ENO1: variants seen among roughly 807,000 people sequenced by gnomAD.
ENO1 encodes the protein alpha-enolase.
ENO1 carries 33 observed loss-of-function variants against 46.3 expected under a neutral mutation model. The ratio of observed to expected loss-of-function variants is 0.71; its 90% confidence interval spans 0.54 to 0.95. The LOEUF (loss-of-function observed/expected upper bound fraction) is 0.95. Among genes scored for constraint, ENO1 ranks in the 40% least tolerant of loss-of-function variants. The probability of loss-of-function intolerance (pLI) is 0.00; values close to 1 mark genes in which losing one functional copy is unlikely to be tolerated. For synonymous variants in ENO1, 220 were observed against 216.0 expected, an observed-to-expected ratio of 1.02 and a Z score of -0.16; for missense variants, 488 against 553.3, an observed-to-expected ratio of 0.88 and a Z score of 1.18.
At chr1:8,866,608 G>C in intron 6 of ENO1, 107 bp from the exon 7 acceptor site, 1 of 1,232,438 alleles carries the variant, frequency 8.1e-7, no homozygotes, top group Non-Finnish European at 1.2e-6. Flanking sequence ...ATGAGCCCAA[G>C]ACTTGCTTCT....
chr1:8,865,177 C>T lies in ENO1; in HGVS notation c.865+108G>A, dbSNP rs879326029. On this transcript the variant is annotated intron_variant, in intron 8 of 11. Transcript: ENST00000234590. ...CCTACGGGAGCTGGAAGTTCAGACA[C>T]TCCCTCCCCATCCCCTCCTTGCAGC... 4 of 1,374,832 alleles carry T rather than the reference C, an allele frequency of 2.9e-6. No homozygotes were observed. The Admixed American group carries it at 7.5e-5, about 26-fold the overall frequency. 85.2% of individuals were successfully genotyped at this position (1,374,832 alleles called of 1,614,324 possible). A position where few individuals can be genotyped will look rare whatever the true frequency, so the allele number is the denominator to read the frequency against.
intron 6 of ENO1, 62 bp downstream of exon 6, chr1:8,867,055 G>A (rs1430456608): frequency 2.3e-5 from 36 of 1,586,634 alleles, no homozygotes; most frequent in Non-Finnish European, 3.0e-5. Context: ...GAGGTCTCGG[G>A]TCCCCAACAG....
chr1:8,868,115 C>G, intron 4 of ENO1, 58 bp from the exon 5 acceptor site: 2 of 1,251,018 alleles, frequency 1.6e-6, no homozygotes, highest in African/African-American at 1.5e-5. Flanking sequence ...ATAGCCTTTG[C>G]TCCCCTACCA....
Position 8,876,163 on chromosome 1 carries a change from G to T in ENO1, c.-9-1246C>A, listed in dbSNP as rs766259973. On this transcript the variant is annotated intron_variant, in intron 1 of 11. Coordinates refer to ENST00000234590, the MANE Select transcript of ENO1 (RefSeq NM_001428.5). ...CTGAACAACTTATAGAACTGAGGTG[G>T]GTGAGAGGAACTTAGTGTTTAAAGC... 1.3e-5 allele frequency: 2 copies of T among 152,138 alleles called. 1 individual carries two copies. Among genetic ancestry groups the T allele is most frequent in the Non-Finnish European group, 2.9e-5 (2 of 68,026 alleles). The allele number at this position is 152,138 out of a possible 1,614,324, so 9.4% of individuals were successfully genotyped here. A position where few individuals can be genotyped will look rare whatever the true frequency, so the allele number is the denominator to read the frequency against.
chr1:8,863,056 A>G (rs1569893428), intron 10 of ENO1, 111 bp from the exon 11 acceptor site: 3 of 1,439,790 alleles, frequency 2.1e-6, no homozygotes, highest in Non-Finnish European at 2.9e-6. Context: ...TGATGCTAGG[A>G]AAGTGGGGGC....
chr1:8,870,396 C>A lies in ENO1; in HGVS notation c.240+56G>T. 7 of 1,610,576 alleles carry A rather than the reference C, an allele frequency of 4.3e-6. No individual in the cohort carries two copies. In the South Asian group the frequency reaches 7.7e-5, roughly 18 times the overall value. On this transcript the variant is annotated intron_variant, in intron 4 of 11. Transcript: ENST00000234590. ...TTCCATAAACAGGAAAGCCCCTGGGCCTGGGAGACGCTCTGGTGGCATTAG... is the reference window on the plus strand; with the variant it reads ...TTCCATAAACAGGAAAGCCCCTGGGACTGGGAGACGCTCTGGTGGCATTAG...
At position 8,870,196 on chromosome 1, in the gene ENO1, G is replaced by T; in HGVS notation, c.240+256C>A. The T allele has an allele frequency of 1.3e-5, 7 of 519,014 alleles. No individual in the cohort carries two copies. In the South Asian group the frequency reaches 1.9e-4, roughly 14 times the overall value. The allele number at this position is 519,014 out of a possible 1,614,324, so 32.2% of individuals were successfully genotyped here. A position where few individuals can be genotyped will look rare whatever the true frequency, so the allele number is the denominator to read the frequency against. ...ATCTTAATTTCTTCAAAGGTCCAGA[G>T]AGTTGCAGGGGGGAAGAAACCTCAG... On this transcript the variant is annotated intron_variant, in intron 4 of 11. Coordinates refer to ENST00000234590, the MANE Select transcript of ENO1 (RefSeq NM_001428.5).
chr1:8,867,061 A>T (rs1642533367), intron 6 of ENO1, 56 bp downstream of exon 6: 1 of 1,592,352 alleles, frequency 6.3e-7, no homozygotes, highest in Non-Finnish European at 8.6e-7. Context: ...TCGGGTCCCC[A>T]ACAGCAAGCT....
chr1:8,878,538 C>G (rs1642785381), intron 1 of ENO1, 42 bp downstream of exon 1: 1 of 452,360 alleles, frequency 2.2e-6, no homozygotes, highest in Admixed American at 2.4e-5. Flanking sequence ...CAGAAAAGCC[C>G]TGCGCCGCCT....
intron 3 of ENO1, 97 bp from the exon 4 acceptor site, chr1:8,870,607 C>T (rs761228412): frequency 9.0e-5 from 141 of 1,570,230 alleles, no homozygotes; most frequent in Non-Finnish European, 1.2e-4. Context: ...GACGCGGAAG[C>T]CCACCAAGGG....
At chr1:8,872,204 A>T (rs765649415) in intron 2 of ENO1, among the ~76,000 whole-genome samples, 1 of 152,202 alleles carries the variant, frequency 6.6e-6, no homozygotes, top group Non-Finnish European at 1.5e-5. Flanking sequence ...TTCCTCTAGC[A>T]GAAAGAAAGT....
chr1:8,871,739 G>T, intron 3 of ENO1, 152 bp downstream of exon 3: 1 of 1,256,062 alleles, frequency 8.0e-7, no homozygotes. Context: ...TCCACAAGGT[G>T]GTGCACTGCT....
In ENO1 at chr1:8,862,961, G is replaced by A. The variant is rs1267310348; in HGVS notation, c.1177-16C>T. The stretch of plus-strand genomic sequence containing the variant: ...CAGTCTTGATCTAGGAGAAAAGAAA[G>A]GCCATTTGCTTACAGCGGACAAGCT... On this transcript the variant is annotated splice_polypyrimidine_tract_variant and intron_variant, in intron 10 of 11. Coordinates refer to ENST00000234590, the MANE Select transcript of ENO1 (RefSeq NM_001428.5). 2 of 1,613,914 alleles carry A rather than the reference G, an allele frequency of 1.2e-6. No individual in the cohort carries two copies. Among genetic ancestry groups the A allele is most frequent in the Non-Finnish European group, 1.7e-6 (2 of 1,179,812 alleles).
chr1:8,876,123 C>G (rs183154103), intron 1 of ENO1: 1 of 152,224 alleles, frequency 6.6e-6, no homozygotes, highest in East Asian at 1.9e-4. Flanking sequence ...CCTTGGCGCT[C>G]TCCAAAGAAA....
chr1:8,865,979 C>T (rs1175214254), intron 7 of ENO1: 2 of 354,554 alleles, frequency 5.6e-6, no homozygotes, highest in African/African-American at 4.3e-5. Context: ...ACTTGGCTCC[C>T]CAAACTAGTA....
chr1:8,863,021 T>G (rs1309445611), intron 10 of ENO1, 76 bp from the exon 11 acceptor site: 22 of 1,564,670 alleles, frequency 1.4e-5, no homozygotes, highest in Non-Finnish European at 1.9e-5. Flanking sequence ...GGGTGTGGTG[T>G]CAGAGAGAGA....
intron 8 of ENO1, 52 bp downstream of exon 8, chr1:8,865,233 C>T (rs1642484530): frequency 1.2e-6 from 2 of 1,602,638 alleles, no homozygotes; most frequent in African/African-American, 2.7e-5. Flanking sequence ...CTCCAGCTGC[C>T]CTGCTGCAGG....
At chr1:8,871,556 T>C (rs1642633078) in intron 3 of ENO1, 7 of 1,070,352 alleles carry the variant, frequency 6.5e-6, no homozygotes, top group Non-Finnish European at 7.9e-6. Context: ...TCCTGGGAGA[T>C]GGGGAAACTT....
chr1:8,878,314 C>G (rs1427487822), intron 1 of ENO1: 1 of 275,576 alleles, frequency 3.6e-6, no homozygotes, highest in African/African-American at 2.4e-5. Context: ...GACTCGGCCC[C>G]GCAGTCGGTA....
Sources: allele counts gnomAD v4.1 joint callset (sites outside exome capture counted in the v4.1 genomes callset), GRCh38; gene constraint gnomAD v4.1.1; transcripts MANE v1.5; gene names NCBI Gene and HGNC (gene_info 2026-07-23, HGNC 2026-07-21).